Variants in CD160 observed in about 807,000 individuals in gnomAD.
The protein encoded by CD160 is CD160 antigen.
A neutral mutation model predicts 19.2 loss-of-function variants in CD160; 11 were observed. The ratio of observed to expected loss-of-function variants is 0.57; its 90% CI spans 0.36 to 0.95. The LOEUF is 0.95. CD160 is among the 40% of genes least tolerant of loss of function. The pLI, the probability that CD160 is intolerant of heterozygous loss-of-function variation, is 0.01. For missense variants in CD160, 182 were observed against 213.2 expected (o/e 0.85, Z 0.91); for synonymous variants, 75 against 81.1 (o/e 0.93, Z 0.40).
At chr1:145,720,874 A>C (rs2101359641) in intron 1 of CD160, among the ~76,000 whole-genome samples, 1 of 152,308 alleles carries the variant, frequency 6.6e-6, no homozygotes, top group East Asian at 1.9e-4. Flanking sequence ...AGACTCCAGG[A>C]CCGCCTCCGA....
chr1:145,722,841 A>G (rs1361887476), intron 1 of CD160, among the ~76,000 whole-genome samples: 3 of 151,884 alleles, frequency 2.0e-5, no homozygotes, highest in African/African-American at 4.8e-5. Flanking sequence ...TGATCTGCCC[A>G]CCTCGGCCTC....
intron 1 of CD160, among the ~76,000 whole-genome samples, chr1:145,723,882 CCTGTTT>C (rs1656953818): frequency 6.6e-6 from 1 of 152,076 alleles, no homozygotes; most frequent in Admixed American, 6.6e-5. Context: ...CTGGCCTTCA[CCTGTTT>C]CTATTTTTTT....
At chr1:145,733,766 C>A (rs187562095) in intron 4 of CD160, among the ~76,000 whole-genome samples, 86 of 152,236 alleles carry the variant, frequency 5.6e-4, no homozygotes, top group African/African-American at 1.6e-3. Flanking sequence ...TCCCACCTCT[C>A]AAACATGAGT....
chr1:145,729,036 G>C (rs781802490), intron 3 of CD160, among the ~76,000 whole-genome samples: 9 of 152,152 alleles, frequency 5.9e-5, no homozygotes, highest in Non-Finnish European at 1.0e-4. Flanking sequence ...TTTATAAAAT[G>C]GGAAGAGTAA....
chr1:145,723,367 G>C (rs1656926577), intron 1 of CD160, among the ~76,000 whole-genome samples: 1 of 152,128 alleles, frequency 6.6e-6, no homozygotes, highest in African/African-American at 2.4e-5. Context: ...TTGCTATAAT[G>C]AATGGAACTT....
intron 1 of CD160, 54 bp downstream of exon 1, chr1:145,719,613 C>G (rs1211381271): frequency 6.6e-6 from 1 of 152,282 alleles, no homozygotes; most frequent in Non-Finnish European, 1.5e-5. Context: ...GGATGGTTGA[C>G]AGAACTGCTC....
chr1:145,724,407 T>G, intron 1 of CD160, among the ~76,000 whole-genome samples: 1 of 152,184 alleles, frequency 6.6e-6, no homozygotes, highest in East Asian at 1.9e-4. Context: ...TGGCAAACAC[T>G]TTCAGAACAA....
intron 4 of CD160, among the ~76,000 whole-genome samples, 157 bp downstream of exon 4, chr1:145,731,227 C>T (rs781973951): frequency 2.6e-5 from 4 of 152,166 alleles, no homozygotes; most frequent in Admixed American, 2.0e-4. Context: ...TTCTTCAAAG[C>T]GCACACACAA....
intron 2 of CD160, among the ~76,000 whole-genome samples, 198 bp from the exon 3 acceptor site, chr1:145,728,058 C>T (rs1371774770): frequency 1.3e-5 from 2 of 152,150 alleles, no homozygotes; most frequent in African/African-American, 4.8e-5. Context: ...CCTTTAGTGT[C>T]TCCCTATGCC....
At chr1:145,733,809 C>A (rs1227327764) in intron 4 of CD160, among the ~76,000 whole-genome samples, 1 of 152,166 alleles carries the variant, frequency 6.6e-6, no homozygotes, top group African/African-American at 2.4e-5. Flanking sequence ...CCCCTTCAAC[C>A]TTTTCTCTTT....
In CD160 at chr1:145,738,652, C is replaced by T. The variant is rs1347373094; in HGVS notation, c.*159C>T. On this transcript the variant is annotated 3_prime_UTR_variant, in exon 6 of 6. Transcript: ENST00000369288. Reference sequence around the variant, plus strand: ...GAATCTGTGGAAATATAAGCTGGGGCAAATCAGTGTAATCCTTGACTTTGC... The same window carrying T: ...GAATCTGTGGAAATATAAGCTGGGGTAAATCAGTGTAATCCTTGACTTTGC... 1 of 463,612 alleles carries T rather than the reference C, an allele frequency of 2.2e-6. No individual in the cohort carries two copies. The highest frequency in any genetic ancestry group is 2.0e-5 in the African/African-American group (1 of 50,378). 28.7% of individuals were successfully genotyped at this position (463,612 alleles called of 1,614,324 possible). A position where few individuals can be genotyped will look rare whatever the true frequency, so the allele number is the denominator to read the frequency against.
In CD160 at chr1:145,738,523, G is replaced by A; in HGVS notation, c.*30G>A. 1 of 1,310,904 alleles carries A rather than the reference G, an allele frequency of 7.6e-7. No individual in the cohort carries two copies. The highest frequency in any genetic ancestry group is 9.8e-7 in the Non-Finnish European group (1 of 1,016,170). 81.2% of individuals were successfully genotyped at this position (1,310,904 alleles called of 1,614,324 possible). Reference sequence around the variant, plus strand: ...TGTGCCAAAAGAAACTTTTAAAACAGCTACAGCAAGATGAGTCTGACTATG... The same window carrying A: ...TGTGCCAAAAGAAACTTTTAAAACAACTACAGCAAGATGAGTCTGACTATG... On this transcript the variant is annotated 3_prime_UTR_variant, in exon 6 of 6. Transcript: ENST00000369288.
rs891931861 is a variant in CD160, at chr1:145,726,943, T to C, written c.-72-1313T>C. Among the ~76,000 whole-genome samples, 21 of 152,184 alleles carry C rather than the reference T, an allele frequency of 1.4e-4. 1 individual carries two copies. Among genetic ancestry groups the C allele is most frequent in the African/African-American group, 4.3e-4 (18 of 41,452 alleles). On this transcript the variant is annotated intron_variant, in intron 2 of 5. Transcript: ENST00000369288. Reference sequence around the variant, plus strand: ...ATTCAGTTCTCCCTAAGTTAAAATATAAATTGAACATATCCCAATTTTAAA... The same window carrying C: ...ATTCAGTTCTCCCTAAGTTAAAATACAAATTGAACATATCCCAATTTTAAA...
intron 4 of CD160, 43 bp downstream of exon 4, chr1:145,731,113 A>T: frequency 2.0e-6 from 3 of 1,494,714 alleles, no homozygotes; most frequent in East Asian, 2.3e-5. Context: ...TGGGACAGTG[A>T]GCAGGGTTGA....
intron 5 of CD160, chr1:145,736,424 G>A: frequency 1.8e-6 from 1 of 568,730 alleles, no homozygotes. Flanking sequence ...CTCACTGCAT[G>A]AACAGAGGGC....
chr1:145,728,499 C>CT, intron 3 of CD160, 99 bp downstream of exon 3: 6 of 447,482 alleles, frequency 1.3e-5, no homozygotes, highest in South Asian at 2.9e-5. Flanking sequence ...AAACAAAGGA[C>CT]TCTTTTTTTT....
intron 1 of CD160, among the ~76,000 whole-genome samples, chr1:145,722,503 T>C (rs1480286058): frequency 2.6e-5 from 4 of 152,200 alleles, no homozygotes; most frequent in African/African-American, 9.6e-5. Context: ...GTTTCTGAAA[T>C]ATGTCTATTT....
At chr1:145,737,191 C>G (rs1218907582) in intron 5 of CD160, 1 of 149,156 alleles carries the variant, frequency 6.7e-6, no homozygotes, top group African/African-American at 2.5e-5. Flanking sequence ...GTTGAGGTTG[C>G]AGTGAGCCAT....
chr1:145,722,837 G>T (rs922044612), intron 1 of CD160, among the ~76,000 whole-genome samples: 4 of 151,992 alleles, frequency 2.6e-5, no homozygotes, highest in Non-Finnish European at 5.9e-5. Context: ...CTCGTGATCT[G>T]CCCACCTCGG....
Sources: allele counts gnomAD v4.1 joint callset (sites outside exome capture counted in the v4.1 genomes callset), GRCh38; gene constraint gnomAD v4.1.1; transcripts MANE v1.5; gene names NCBI Gene and HGNC (gene_info 2026-07-23, HGNC 2026-07-21).